Variants in ZFP30 observed in about 807,000 individuals in gnomAD.
ZFP30 encodes zinc finger protein 30 homolog.
A neutral mutation model predicts 12.3 loss-of-function variants in ZFP30; 16 were observed. The ratio of observed to expected loss-of-function variants is 1.30; its 90% confidence interval spans 0.88 to 1.98. ZFP30 has a LOEUF of 1.98. ZFP30 is among the 30% of genes most tolerant of loss of function. The pLI, the probability that ZFP30 is intolerant of heterozygous loss-of-function variation, is 0.00. For synonymous variants in ZFP30, 172 were observed against 201.0 expected (o/e 0.86, Z 1.22); for missense variants, 560 against 611.2 (o/e 0.92, Z 0.88).
intron 4 of ZFP30, 36 bp downstream of exon 4, chr19:37,644,574 T>C (rs1260583482): frequency 1.3e-6 from 2 of 1,522,972 alleles, no homozygotes; most frequent in East Asian, 2.5e-5. Flanking sequence ...GTCCTGTGAA[T>C]GTCTAAATTA....
chr19:37,647,609 G>A lies in ZFP30; in HGVS notation c.9+205C>T, dbSNP rs369772385. The stretch of plus-strand genomic sequence containing the variant: ...TCTCAGGAATGTCTTTATCAGCAGC[G>A]TGAAAATGGACTAATACAGATACAG... On this transcript the variant is annotated intron_variant, in intron 3 of 5. Transcript: ENST00000684514. Among the ~76,000 whole-genome samples the A allele has an allele frequency of 4.4e-4, 67 of 152,212 alleles. 1 individual carries two copies. Among genetic ancestry groups the A allele is most frequent in the African/African-American group, 1.2e-3 (49 of 41,528 alleles).
intron 3 of ZFP30, among the ~76,000 whole-genome samples, chr19:37,645,589 C>T (rs2044527304): frequency 6.7e-6 from 1 of 149,504 alleles, no homozygotes; most frequent in African/African-American, 2.5e-5. Context: ...CCAAAACTTC[C>T]TACGTACTAT....
chr19:37,647,915 G>T lies in ZFP30; in HGVS notation c.-77-16C>A. On this transcript the variant is annotated splice_polypyrimidine_tract_variant and intron_variant, in intron 2 of 5. Coordinates refer to ENST00000684514, the MANE Select transcript of ZFP30 (RefSeq NM_001320669.3). Reference sequence around the variant, plus strand: ...GACACCAGAGCTGCAGAAAGAACATGTAAAATCATGAGAAGAGAACTGCCT... The same window carrying T: ...GACACCAGAGCTGCAGAAAGAACATTTAAAATCATGAGAAGAGAACTGCCT... The T allele has an allele frequency of 6.9e-7, 1 of 1,457,862 alleles. No homozygotes were observed. The highest frequency in any genetic ancestry group is 9.6e-7 in the Non-Finnish European group (1 of 1,046,020). The allele number at this position is 1,457,862 out of a possible 1,614,324, so 90.3% of individuals were successfully genotyped here.
At chr19:37,639,512 T>C (rs1215778566) in intron 5 of ZFP30, among the ~76,000 whole-genome samples, 3 of 152,046 alleles carry the variant, frequency 2.0e-5, no homozygotes, top group African/African-American at 7.2e-5. Flanking sequence ...GGTGGGAGGA[T>C]CACTTGGGGT....
intron 5 of ZFP30, among the ~76,000 whole-genome samples, chr19:37,637,142 C>T (rs900813391): frequency 2.0e-5 from 3 of 151,462 alleles, no homozygotes; most frequent in Non-Finnish European, 4.4e-5. Flanking sequence ...TCCCTGCTGA[C>T]TTCATGTAAT....
Position 37,635,581 on chromosome 19 carries a change from A to G in ZFP30, c.960T>C (p.His320=). The G allele has an allele frequency of 1.2e-6, 2 of 1,614,156 alleles. No homozygotes were observed. Among genetic ancestry groups the G allele is most frequent in the Non-Finnish European group, 1.7e-6 (2 of 1,180,026 alleles). The change falls in exon 6 of 6, where the codon CAT becomes CAC. Residue 320 remains histidine, a synonymous_variant. Transcript: ENST00000684514. ...TACATTCATAGGGTTTTTCTCCAGT[A>G]TGAAGTTTGTGATGTAGTCGAAGGC... is the stretch of plus-strand genomic sequence containing the variant. ...STGLRLHHKL[H]TGEKPYECKE...
intron 5 of ZFP30, among the ~76,000 whole-genome samples, chr19:37,638,900 T>A (rs925081383): frequency 6.6e-6 from 1 of 152,164 alleles, no homozygotes; most frequent in African/African-American, 2.4e-5. Flanking sequence ...GTGTACTAAT[T>A]AGATGGGTGT....
Position 37,634,943 on chromosome 19 carries a change from T to TCAA in ZFP30, c.*35_*37dup, listed in dbSNP as rs1244069021. The TCAA allele has an allele frequency of 1.3e-6, 2 of 1,502,750 alleles. No homozygotes were observed. Among genetic ancestry groups the TCAA allele is most frequent in the Non-Finnish European group, 1.8e-6 (2 of 1,130,056 alleles). 93.1% of individuals were successfully genotyped at this position (1,502,750 alleles called of 1,614,324 possible). A position where few individuals can be genotyped will look rare whatever the true frequency, so the allele number is the denominator to read the frequency against. ...TTCCTCTAGAATGTACTTCCTATGC[T>TCAA]CAACATAAAATTCGCAAAGGAAGAG... is the stretch of plus-strand genomic sequence containing the variant. On this transcript the variant is annotated 3_prime_UTR_variant, in exon 6 of 6. Transcript: ENST00000684514.
intron 5 of ZFP30, among the ~76,000 whole-genome samples, chr19:37,640,348 C>A (rs2044409608): frequency 6.6e-6 from 1 of 151,216 alleles, no homozygotes; most frequent in Non-Finnish European, 1.5e-5. Flanking sequence ...AATGTTCTAC[C>A]TCCAAAAACA....
At chr19:37,645,160 G>A (rs1214687119) in intron 3 of ZFP30, among the ~76,000 whole-genome samples, 1 of 151,756 alleles carries the variant, frequency 6.6e-6, no homozygotes, top group Non-Finnish European at 1.5e-5. Context: ...AGCCGAGATC[G>A]CGCTACTGCA....
rs1253935671 is a variant in ZFP30 at position 37,634,044 on chromosome 19, A to T, written c.*937T>A. The T allele has an allele frequency of 6.6e-6, 1 of 152,180 alleles. No individual in the cohort carries two copies. The highest frequency in any genetic ancestry group is 1.5e-5 in the Non-Finnish European group (1 of 68,024). The allele number at this position is 152,180 out of a possible 1,614,324, so 9.4% of individuals were successfully genotyped here. A position where few individuals can be genotyped will look rare whatever the true frequency, so the allele number is the denominator to read the frequency against. ...CTTTTACATGTTTGTTCAACTCATG[A>T]TCTAAGTAAAAACCACTGTTTCATT... is the stretch of plus-strand genomic sequence containing the variant. On this transcript the variant is annotated 3_prime_UTR_variant, in exon 6 of 6. Transcript: ENST00000684514.
intron 2 of ZFP30, among the ~76,000 whole-genome samples, chr19:37,654,180 G>C (rs1325978697): frequency 6.6e-6 from 1 of 152,158 alleles, no homozygotes; most frequent in African/African-American, 2.4e-5. Context: ...TCAGATTTAA[G>C]TGGCAGTCAG....
In ZFP30 at chr19:37,635,735, G is replaced by C. The variant is rs760348894; in HGVS notation, c.806C>G (p.Pro269Arg). The change falls in exon 6 of 6, where the codon CCC becomes CGC. Residue 269 changes from proline (P) to arginine (R), a missense_variant. Pro to Arg is a moderately radical substitution (Grantham distance 103). Coordinates refer to ENST00000684514, the MANE Select transcript of ZFP30 (RefSeq NM_001320669.3). ...LHQRIHTGEK[P>R]YECKECGKAF... ...CTTCCCACATTCTTTACATTCATAG[G>C]GTTTCTCACCCGTGTGAATCCTTTG... 6 of 1,614,014 alleles carry C rather than the reference G, an allele frequency of 3.7e-6. No homozygotes were observed. In the South Asian group the frequency reaches 6.6e-5, roughly 18 times the overall value.
chr19:37,635,231 G>C lies in ZFP30; in HGVS notation c.1310C>G (p.Pro437Arg). The C allele has an allele frequency of 6.2e-7, 1 of 1,613,930 alleles. No individual in the cohort carries two copies. The highest frequency in any genetic ancestry group is 8.5e-7 in the Non-Finnish European group (1 of 1,179,940). ...QHQSIHFGEK[P>R]FKCKECEKTF... ...CTTCTCACATTCCTTACACTTAAAG[G>C]GTTTCTCACCAAAATGAATACTCTG... The change falls in exon 6 of 6, where the codon CCC (proline) becomes CGC (arginine). Residue 437 changes from proline to arginine, a missense_variant. By Grantham distance (103) the Pro-to-Arg change is moderately radical. Transcript: ENST00000684514.
intron 5 of ZFP30, among the ~76,000 whole-genome samples, chr19:37,638,575 A>G (rs1243176521): frequency 6.6e-6 from 1 of 152,236 alleles, no homozygotes; most frequent in Non-Finnish European, 1.5e-5. Flanking sequence ...CAAACTGGAA[A>G]GAGTCCAAGT....
At chr19:37,656,102 C>T (rs2044751293), upstream of ZFP30, 1 of 152,536 alleles carries the variant, frequency 6.6e-6, no homozygotes. Flanking sequence ...GAGTGACGGC[C>T]GCCGCGCCCC....
rs1379445356 is a variant in ZFP30 at position 37,649,767 on chromosome 19, T to C, written c.-77-1868A>G. On this transcript the variant is annotated intron_variant, in intron 2 of 5. Coordinates refer to ENST00000684514, the MANE Select transcript of ZFP30 (RefSeq NM_001320669.3). The stretch of plus-strand genomic sequence containing the variant: ...TGAGCCCAGGAGGTCAAGGCTGCAG[T>C]GAGCCCCGTTCATGCCACTGAACTC... 3.3e-5 allele frequency among the ~76,000 whole-genome samples: 5 copies of C among 150,652 alleles called. No homozygotes were observed. In the East Asian group the frequency reaches 9.9e-4, roughly 30 times the overall value.
intron 5 of ZFP30, among the ~76,000 whole-genome samples, chr19:37,639,091 C>G (rs192996282): frequency 1.4e-4 from 22 of 152,118 alleles, no homozygotes; most frequent in Admixed American, 1.3e-3. Context: ...GCTATATAAT[C>G]GTGTTTCTCT....
rs2044719216 is a variant in ZFP30 at position 37,654,823 on chromosome 19, T to C, written c.-189A>G. The C allele has an allele frequency of 6.6e-6, 1 of 152,150 alleles. No individual in the cohort carries two copies. Among genetic ancestry groups the C allele is most frequent in the East Asian group, 1.9e-4 (1 of 5,182 alleles). The allele number at this position is 152,150 out of a possible 1,614,324, so 9.4% of individuals were successfully genotyped here. On this transcript the variant is annotated 5_prime_UTR_variant, in exon 2 of 6. Coordinates refer to ENST00000684514, the MANE Select transcript of ZFP30 (RefSeq NM_001320669.3). Reference sequence around the variant, plus strand: ...GCAGAGTTCAGGACACCCCAGGCTTTTCTTGACTCGATTGGAACCCACCCT... The same window carrying C: ...GCAGAGTTCAGGACACCCCAGGCTTCTCTTGACTCGATTGGAACCCACCCT...
Sources: gnomAD v4.1 joint callset for allele counts (sites outside exome capture counted in the v4.1 genomes callset) on GRCh38, gnomAD v4.1.1 for gene constraint, MANE v1.5 for transcripts, NCBI Gene and HGNC (gene_info 2026-07-23, HGNC 2026-07-21) for gene names.